Variants in MRPL54 observed in about 807,000 individuals in gnomAD.
MRPL54 encodes the protein mitochondrial ribosomal protein L54, also known as large ribosomal subunit protein mL54.
A neutral mutation model predicts 15.6 loss-of-function variants in MRPL54; 12 were observed. That is an observed-to-expected ratio of 0.77 (90% CI 0.49 to 1.24). The LOEUF is 1.24. Ranked by LOEUF, MRPL54 falls within the 50% of genes most tolerant of loss-of-function variation. The pLI is 0.00. For synonymous variants in MRPL54, 91 were observed against 75.7 expected (o/e 1.20, Z -1.05); for missense variants, 178 against 186.8 (o/e 0.95, Z 0.28).
At chr19:3,764,782 A>G (rs991751130) in intron 1 of MRPL54, among the ~76,000 whole-genome samples, 1 of 151,540 alleles carries the variant, frequency 6.6e-6, no homozygotes, top group Non-Finnish European at 1.5e-5. Context: ...TAATCCCAAC[A>G]CTTTGGGAGG....
intron 2 of MRPL54, among the ~76,000 whole-genome samples, chr19:3,766,973 G>A (rs1159230983): frequency 6.6e-6 from 1 of 152,212 alleles, no homozygotes; most frequent in Non-Finnish European, 1.5e-5. Flanking sequence ...GGAGGGTCAG[G>A]AAGGCTGAGC....
intron 1 of MRPL54, among the ~76,000 whole-genome samples, chr19:3,764,913 A>G (rs1440837540): frequency 6.6e-6 from 1 of 151,730 alleles, no homozygotes; most frequent in Non-Finnish European, 1.5e-5. Context: ...CTGTAGTCCC[A>G]GCTACTTGGG....
chr19:3,766,506 A>G (rs1020882531), intron 2 of MRPL54, among the ~76,000 whole-genome samples: 2 of 152,108 alleles, frequency 1.3e-5, no homozygotes, highest in African/African-American at 4.8e-5. Flanking sequence ...GAGCCGCCGC[A>G]CCCGTCCTGC....
intron 1 of MRPL54, 152 bp from the exon 2 acceptor site, chr19:3,765,014 G>T: frequency 1.3e-6 from 1 of 790,252 alleles, no homozygotes; most frequent in South Asian, 2.1e-5. Context: ...GCAACAGAGC[G>T]AGACTCCGTC....
chr19:3,764,173 C>T (rs1225533617), intron 1 of MRPL54, among the ~76,000 whole-genome samples: 1 of 152,024 alleles, frequency 6.6e-6, no homozygotes, highest in Admixed American at 6.5e-5. Flanking sequence ...AGCTCCGCCT[C>T]CTGGGTTCAC....
In MRPL54 at chr19:3,762,746, TG is replaced by T; in HGVS notation, c.52del (p.Ala18ProfsTer5). The T allele has an allele frequency of 6.2e-7, 1 of 1,610,642 alleles. No individual in the cohort carries two copies. Among genetic ancestry groups the T allele is most frequent in the African/African-American group, 1.3e-5 (1 of 74,818 alleles). ...CGGGGCTACCCGGACGTGGGCCGGC[TG>T]GGGGGCCTGGGAGCTCCTAAACCCC... Reference protein sequence around the residue: ...LFGATRTWAGWGAWELLNPAT... With the variant: ...LFGATRTWAGXGAWELLNPAT... On this transcript the variant is annotated frameshift_variant, in exon 1 of 3. Transcript: ENST00000330133. LOFTEE classifies it high-confidence loss of function.
At chr19:3,763,504 A>T (rs1193681789) in intron 1 of MRPL54, among the ~76,000 whole-genome samples, 2 of 152,090 alleles carry the variant, frequency 1.3e-5, no homozygotes, top group African/African-American at 4.8e-5. Flanking sequence ...GCCAGGCATG[A>T]TGGCTCACAC....
At chr19:3,763,303 G>A (rs2037168340) in intron 1 of MRPL54, among the ~76,000 whole-genome samples, 1 of 152,334 alleles carries the variant, frequency 6.6e-6, no homozygotes, top group East Asian at 1.9e-4. Context: ...GCTGGATACA[G>A]CCTTGCCTGA....
In MRPL54 at chr19:3,767,411, C is replaced by A; in HGVS notation, c.*18C>A. ...GGTTGTAGCATGGAGGGCCCGGCATCGCTGACCCCCACGCCGAGGGCTTGC... is the reference window on the plus strand; with the variant it reads ...GGTTGTAGCATGGAGGGCCCGGCATAGCTGACCCCCACGCCGAGGGCTTGC... On this transcript the variant is annotated 3_prime_UTR_variant, in exon 3 of 3. Transcript: ENST00000330133. 2 of 1,605,628 alleles carry A rather than the reference C, an allele frequency of 1.2e-6. No individual in the cohort carries two copies. Among genetic ancestry groups the A allele is most frequent in the Non-Finnish European group, 1.7e-6 (2 of 1,177,212 alleles).
chr19:3,764,976 T>C (rs1210347067), intron 1 of MRPL54, among the ~76,000 whole-genome samples, 190 bp from the exon 2 acceptor site: 2 of 148,980 alleles, frequency 1.3e-5, no homozygotes, highest in East Asian at 2.0e-4. Context: ...TGCAGTGAGC[T>C]GAGACTGCGC....
rs2037208611 is a variant in MRPL54 at position 3,767,474 on chromosome 19, G to A, written c.*81G>A. ...GGACGTGGACTTTTGTGAGACAAGA[G>A]GCGGCTCCCCAGCCTGGGTTTCCAT... On this transcript the variant is annotated 3_prime_UTR_variant, in exon 3 of 3. Transcript: ENST00000330133. 1.3e-6 allele frequency: 2 copies of A among 1,564,998 alleles called. No individual in the cohort carries two copies. Among genetic ancestry groups the A allele is most frequent in the African/African-American group, 2.8e-5 (2 of 72,348 alleles).
At chr19:3,765,053 G>T in intron 1 of MRPL54, 113 bp from the exon 2 acceptor site, 1 of 1,047,322 alleles carries the variant, frequency 9.5e-7, no homozygotes, top group Non-Finnish European at 1.3e-6. Context: ...AAAGTTTTGA[G>T]TGTAGCAGAG....
intron 1 of MRPL54, among the ~76,000 whole-genome samples, chr19:3,764,250 TG>T (rs1311953314): frequency 6.7e-6 from 1 of 149,784 alleles, no homozygotes; most frequent in African/African-American, 2.5e-5. Context: ...GCCCGGCTAA[TG>T]TTTTTGTATT....
chr19:3,764,403 T>G (rs2145731036), intron 1 of MRPL54, among the ~76,000 whole-genome samples: 1 of 148,846 alleles, frequency 6.7e-6, no homozygotes, highest in South Asian at 2.1e-4. Flanking sequence ...TATTTTTTAA[T>G]TTTTTAGATT....
intron 1 of MRPL54, among the ~76,000 whole-genome samples, 178 bp downstream of exon 1, chr19:3,762,996 C>T (rs769370538): frequency 1.3e-5 from 2 of 152,248 alleles, no homozygotes; most frequent in Non-Finnish European, 2.9e-5. Context: ...GCTCGGGCGT[C>T]TGGCTCGGAG....
chr19:3,765,026 CA>C (rs368567858), intron 1 of MRPL54, 139 bp from the exon 2 acceptor site: 94,256 of 654,732 alleles, frequency 0.14, 2 homozygotes, highest in South Asian at 0.18. Context: ...GACTCCGTCT[CA>C]AAAAAAAAAA....
chr19:3,765,136 C>T (rs747495448), intron 1 of MRPL54, 30 bp from the exon 2 acceptor site: 2 of 1,586,190 alleles, frequency 1.3e-6, no homozygotes, highest in Non-Finnish European at 1.7e-6. Context: ...AGGGGCTGGG[C>T]TGAAATGACT....
chr19:3,762,903 G>A, intron 1 of MRPL54, 85 bp downstream of exon 1: 1 of 1,141,196 alleles, frequency 8.8e-7, no homozygotes, highest in Non-Finnish European at 1.2e-6. Context: ...GGGAGGTGGT[G>A]CTAGAACTGA....
At chr19:3,764,375 G>A (rs543957217) in intron 1 of MRPL54, among the ~76,000 whole-genome samples, 17 of 151,976 alleles carry the variant, frequency 1.1e-4, no homozygotes, top group African/African-American at 3.4e-4. Context: ...GAGCCGCCGC[G>A]CCCGGCCGGG....
Sources: allele counts gnomAD v4.1 joint callset (sites outside exome capture counted in the v4.1 genomes callset), GRCh38; gene constraint gnomAD v4.1.1; transcripts MANE v1.5; gene names NCBI Gene and HGNC (gene_info 2026-07-23, HGNC 2026-07-21).